G3BP2: variants seen among roughly 807,000 people sequenced by gnomAD.
G3BP2 encodes the protein G3BP stress granule assembly factor 2.
Under a neutral mutation model 56.7 loss-of-function variants are expected in G3BP2, and 11 were observed. The ratio of observed to expected loss-of-function variants is 0.19; its 90% CI spans 0.12 to 0.32. The LOEUF is 0.32. G3BP2 is among the 10% of genes least tolerant of loss of function. The pLI is 1.00. For missense variants in G3BP2, 340 were observed against 610.9 expected (o/e 0.56, Z 4.67); for synonymous variants, 165 against 191.6 (o/e 0.86, Z 1.15).
intron 2 of G3BP2, among the ~76,000 whole-genome samples, chr4:75,661,326 C>T (rs541999086): frequency 6.6e-6 from 1 of 152,108 alleles, no homozygotes; most frequent in African/African-American, 2.4e-5. Context: ...CGAGGCTTCA[C>T]CATGTTGGCC....
In G3BP2 at chr4:75,643,295, T is replaced by TTATATATATATATATATATATA. The variant is rs6148524; in HGVS notation, c.*2134_*2135insTATATATATATATATATATATA. The TTATATATATATATATATATATA allele has an allele frequency of 3.6e-3, 357 of 99,822 alleles. 15 individuals are homozygous for TTATATATATATATATATATATA. Among genetic ancestry groups the TTATATATATATATATATATATA allele is most frequent in the Middle Eastern group, 0.011 (2 of 180 alleles). 6.2% of individuals were successfully genotyped at this position (99,822 alleles called of 1,614,324 possible). ...GCAGGGCAATATCCTGAATTGGAAA[T>TTATATATATATATATATATATA]TATATATATATATATATATATGGAA... On this transcript the variant is annotated 3_prime_UTR_variant, in exon 12 of 12. Transcript: ENST00000359707.
At chr4:75,674,712 ATATATATTT>A (rs1319485535), upstream of G3BP2, among the ~76,000 whole-genome samples, 21 of 50,012 alleles carry the variant, frequency 4.2e-4, no homozygotes, top group African/African-American at 1.3e-3. Flanking sequence ...ATATATATAT[ATATATATTT>A]TTTTTTTTTT....
chr4:75,701,098 C>T (rs889134804), intron 3 of G3BP2, among the ~76,000 whole-genome samples: 4 of 152,176 alleles, frequency 2.6e-5, no homozygotes, highest in African/African-American at 9.7e-5. Context: ...CCACTTCAGC[C>T]TCCCAAAGTG....
chr4:75,663,757 G>C (rs1732757799), intron 1 of G3BP2, among the ~76,000 whole-genome samples: 1 of 143,520 alleles, frequency 7.0e-6, no homozygotes, highest in African/African-American at 2.6e-5. Context: ...CCACTCCGGA[G>C]GCTGAGGCAG....
intron 3 of G3BP2, among the ~76,000 whole-genome samples, chr4:75,719,740 C>A (rs1720079467): frequency 6.6e-6 from 1 of 151,992 alleles, no homozygotes; most frequent in African/African-American, 2.4e-5. Flanking sequence ...CAGGCATGCA[C>A]CACCACGCTC....
intron 8 of G3BP2, among the ~76,000 whole-genome samples, chr4:75,651,638 A>G (rs1472516259): frequency 2.0e-5 from 3 of 152,020 alleles, no homozygotes; most frequent in Non-Finnish European, 2.9e-5. Context: ...TTCATGATTA[A>G]AACTAGTTTT....
At chr4:75,695,450 C>G (rs963526984) in intron 3 of G3BP2, among the ~76,000 whole-genome samples, 1 of 152,136 alleles carries the variant, frequency 6.6e-6, no homozygotes, top group Non-Finnish European at 1.5e-5. Context: ...CTAAGGTAAG[C>G]AAAGTCAACC....
At position 75,719,363 on chromosome 4, in the gene G3BP2, A is replaced by T. The variant is rs572068558; in HGVS notation, c.-25+1514T>A. ...ACTCCGTCTCAAAAAAAAAAAAAAA[A>T]AAAAGAAATTGATAATACCGAAGAT... On this transcript the variant is annotated intron_variant, in intron 3 of 3. Coordinates refer to the G3BP2 transcript ENST00000499709. 7.7e-3 allele frequency among the ~76,000 whole-genome samples: 1,165 copies of T among 151,774 alleles called. 22 individuals are homozygous for T. Among genetic ancestry groups the T allele is most frequent in the African/African-American group, 0.027 (1,116 of 41,346 alleles).
chr4:75,661,505 G>C (rs1299017311), intron 2 of G3BP2: 8 of 148,120 alleles, frequency 5.4e-5, no homozygotes, highest in Admixed American at 1.4e-4. Flanking sequence ...ATGAAATAAA[G>C]GTCGGGCTTG....
intron 3 of G3BP2, among the ~76,000 whole-genome samples, chr4:75,696,327 G>A (rs13146314): frequency 0.24 from 37,227 of 152,008 alleles, 4,778 homozygotes; most frequent in Middle Eastern, 0.36. Flanking sequence ...ACTGAACTCC[G>A]GCTCTGCTGC....
intron 8 of G3BP2, 64 bp from the exon 9 acceptor site, chr4:75,648,805 A>C (rs1578378469): frequency 1.1e-6 from 1 of 906,964 alleles, no homozygotes; most frequent in Non-Finnish European, 1.8e-6. Context: ...CAACCAAAGC[A>C]CCTAACGACA....
intron 3 of G3BP2, among the ~76,000 whole-genome samples, chr4:75,685,273 C>G (rs954986991): frequency 6.6e-6 from 1 of 151,594 alleles, no homozygotes. Flanking sequence ...GGCCGAGGCA[C>G]GTGGATCACC....
At chr4:75,674,718 A>ATATATATATATATATATATATATT (rs1241041465), upstream of G3BP2, among the ~76,000 whole-genome samples, 1 of 71,422 alleles carries the variant, frequency 1.4e-5, no homozygotes, top group African/African-American at 5.9e-5. Flanking sequence ...ATATATATAT[A>ATATATATATATATATATATATATT]TTTTTTTTTT....
chr4:75,665,132 TTACAGA>T (rs1451108665), intron 1 of G3BP2, among the ~76,000 whole-genome samples: 1 of 152,236 alleles, frequency 6.6e-6, no homozygotes, highest in Non-Finnish European at 1.5e-5. Flanking sequence ...ATAGTAGAGC[TTACAGA>T]TAGAGTGTAG....
rs1339142739 is a variant in G3BP2, at chr4:75,645,002, G to C, written c.*428C>G. 5.8e-6 allele frequency: 1 copy of C among 172,222 alleles called. No homozygotes were observed. The highest frequency in any genetic ancestry group is 2.4e-5 in the African/African-American group (1 of 41,628). The allele number at this position is 172,222 out of a possible 1,614,324, so 10.7% of individuals were successfully genotyped here. A position where few individuals can be genotyped will look rare whatever the true frequency, so the allele number is the denominator to read the frequency against. ...CAAGTTTCTGTTGGTTTGTATTTTTGGGGGGAGCCAAGAAAAAAGGCAAGA... is the reference window on the plus strand; with the variant it reads ...CAAGTTTCTGTTGGTTTGTATTTTTCGGGGGAGCCAAGAAAAAAGGCAAGA... On this transcript the variant is annotated 3_prime_UTR_variant, in exon 12 of 12. Coordinates refer to ENST00000359707, the MANE Select transcript of G3BP2 (RefSeq NM_203505.3).
chr4:75,658,691 C>T (rs1732307530), intron 3 of G3BP2, 152 bp downstream of exon 3: 4 of 609,220 alleles, frequency 6.6e-6, no homozygotes, highest in South Asian at 3.8e-5. Context: ...CGCACCACTG[C>T]ACTCCAGCCT....
intron 8 of G3BP2, among the ~76,000 whole-genome samples, chr4:75,649,485 T>C (rs943941632): frequency 2.6e-5 from 4 of 152,166 alleles, no homozygotes; most frequent in Non-Finnish European, 4.4e-5. Flanking sequence ...CTCCCAAAAG[T>C]TTCTGCCAAC....
At chr4:75,710,162 T>C (rs575840457) in intron 3 of G3BP2, among the ~76,000 whole-genome samples, 1 of 152,324 alleles carries the variant, frequency 6.6e-6, no homozygotes, top group South Asian at 2.1e-4. Flanking sequence ...AGAGTCTCAC[T>C]ATGTTACCAA....
intron 1 of G3BP2, chr4:75,670,504 T>A (rs1733402287): frequency 6.6e-6 from 1 of 152,156 alleles, no homozygotes. Flanking sequence ...CCAAAAGGTG[T>A]TTTTGTTTTC....
Sources: allele counts gnomAD v4.1 joint callset (sites outside exome capture counted in the v4.1 genomes callset), GRCh38; gene constraint gnomAD v4.1.1; transcripts MANE v1.5; gene names NCBI Gene and HGNC (gene_info 2026-07-23, HGNC 2026-07-21).